The following NXN variants were observed in gnomAD, a reference collection of about 807,000 sequenced individuals.
NXN encodes nucleoredoxin 1.
NXN carries 16 observed loss-of-function variants against 48.6 expected under a neutral mutation model. The observed-to-expected ratio is 0.33, with a 90% CI of 0.22 to 0.50. The LOEUF (loss-of-function observed/expected upper bound fraction) is 0.50, where lower values mean the gene tolerates loss of function less well. Among genes scored for constraint, NXN ranks in the 20% least tolerant of loss-of-function variants. The pLI is 0.98. For missense variants in NXN, 492 were observed against 605.5 expected (o/e 0.81, Z 1.97); for synonymous variants, 281 against 269.6 (o/e 1.04, Z -0.41).
intron 1 of NXN, among the ~76,000 whole-genome samples, chr17:876,916 C>T (rs374173508): frequency 9.2e-5 from 14 of 151,860 alleles, no homozygotes; most frequent in African/African-American, 1.4e-4. Flanking sequence ...GGTATGGTGG[C>T]GGTCGCCTGT....
intron 1 of NXN, among the ~76,000 whole-genome samples, chr17:831,584 C>T (rs1238463624): frequency 6.6e-6 from 1 of 152,034 alleles, no homozygotes; most frequent in South Asian, 2.1e-4. Context: ...ATTGCAACCT[C>T]CACCTCCCAG....
At chr17:822,489 CACGCTGCTT>C in intron 3 of NXN, 32 bp from the exon 4 acceptor site, 1 of 1,517,038 alleles carries the variant, frequency 6.6e-7, no homozygotes, top group South Asian at 1.1e-5. Context: ...CCCGCTGCGT[CACGCTGCTT>C]CTCCACCTCC....
intron 1 of NXN, among the ~76,000 whole-genome samples, chr17:916,164 A>G (rs1426526614): frequency 1.3e-5 from 2 of 152,198 alleles, no homozygotes; most frequent in Admixed American, 6.6e-5. Context: ...CTCTAGGCCC[A>G]CTTTGCTAGA....
intron 1 of NXN, among the ~76,000 whole-genome samples, chr17:888,324 T>A (rs2068371500): frequency 6.6e-6 from 1 of 152,168 alleles, no homozygotes; most frequent in Admixed American, 6.6e-5. Flanking sequence ...GCTCAAGCGA[T>A]CCTCCCACCT....
chr17:970,938 T>C (rs374834022), intron 1 of NXN, among the ~76,000 whole-genome samples: 3 of 150,438 alleles, frequency 2.0e-5, no homozygotes, highest in Non-Finnish European at 4.4e-5. Context: ...TCTGCAGATA[T>C]GAGACTCTTT....
At chr17:861,389 C>G (rs2144779459) in intron 1 of NXN, among the ~76,000 whole-genome samples, 1 of 152,346 alleles carries the variant, frequency 6.6e-6, no homozygotes, top group Admixed American at 6.5e-5. Context: ...CCACCTCGGC[C>G]TCCCACAGTG....
intron 1 of NXN, among the ~76,000 whole-genome samples, chr17:961,163 G>A (rs546860973): frequency 6.4e-4 from 97 of 152,062 alleles, no homozygotes; most frequent in Admixed American, 5.0e-3. Flanking sequence ...GGAGGCTGAG[G>A]CAGGCGGATC....
chr17:906,572 G>GTT (rs150140562), intron 1 of NXN, among the ~76,000 whole-genome samples: 8 of 145,876 alleles, frequency 5.5e-5, no homozygotes, highest in African/African-American at 2.0e-4. Context: ...TGGTTTCTGG[G>GTT]TTTTTTTTTT....
At chr17:930,935 C>G (rs62067206) in intron 1 of NXN, among the ~76,000 whole-genome samples, 41,740 of 151,680 alleles carry the variant, frequency 0.28, 6,782 homozygotes, top group East Asian at 0.43. Flanking sequence ...CCACGCCCAG[C>G]TAATTTTGTA....
intron 1 of NXN, among the ~76,000 whole-genome samples, chr17:883,721 G>C (rs554712608): frequency 7.9e-5 from 12 of 152,316 alleles, no homozygotes; most frequent in Admixed American, 6.5e-4. Context: ...AGGACTTCAG[G>C]GGTCATGGTG....
At chr17:866,425 A>T (rs1465008860) in intron 1 of NXN, among the ~76,000 whole-genome samples, 1 of 152,140 alleles carries the variant, frequency 6.6e-6, no homozygotes, top group East Asian at 1.9e-4. Context: ...TCTACAAAAA[A>T]TACAAAAGTT....
intron 5 of NXN, 152 bp from the exon 6 acceptor site, chr17:805,399 A>C: frequency 2.4e-6 from 2 of 845,090 alleles, no homozygotes; most frequent in African/African-American, 1.7e-5. Flanking sequence ...CCAGGTCTAA[A>C]GTCACAAAGC....
At chr17:856,885 C>T (rs2067991856) in intron 1 of NXN, among the ~76,000 whole-genome samples, 1 of 152,164 alleles carries the variant, frequency 6.6e-6, no homozygotes, top group Admixed American at 6.6e-5. Context: ...TCTGAGCCCT[C>T]CCCGGAACTG....
chr17:923,161 C>T (rs1050469942), intron 1 of NXN, among the ~76,000 whole-genome samples: 1 of 151,582 alleles, frequency 6.6e-6, no homozygotes, highest in African/African-American at 2.4e-5. Context: ...CTGGACGGCG[C>T]GGTGGCTCAC....
chr17:976,878 T>G (rs993314454), intron 1 of NXN, among the ~76,000 whole-genome samples: 7 of 151,974 alleles, frequency 4.6e-5, no homozygotes, highest in Middle Eastern at 3.2e-3. Context: ...GCGATTCTCC[T>G]GCCTCAGCCT....
intron 2 of NXN, among the ~76,000 whole-genome samples, chr17:825,000 T>G (rs1913020086): frequency 6.6e-6 from 1 of 151,912 alleles, no homozygotes; most frequent in Non-Finnish European, 1.5e-5. Context: ...GAGGCCGAGG[T>G]GGGCGGATTG....
At chr17:910,557 C>A (rs1189554666) in intron 1 of NXN, 1 of 152,062 alleles carries the variant, frequency 6.6e-6, no homozygotes, top group Non-Finnish European at 1.5e-5. Flanking sequence ...AATTTATCAT[C>A]CGTTCCAAGT....
intron 1 of NXN, among the ~76,000 whole-genome samples, chr17:974,671 C>T (rs1042308803): frequency 6.6e-6 from 1 of 151,540 alleles, no homozygotes; most frequent in South Asian, 2.1e-4. Flanking sequence ...TGAACTCAAG[C>T]AGAAGGACAA....
rs1315460543 is a variant in NXN at position 958,613 on chromosome 17, A to C, written c.360+20706T>G. ...TGGTGAAACCCCATCTGTACTAAAA[A>C]TACAAAAATTAGCCAGGCGTGGTGG... On this transcript the variant is annotated intron_variant, in intron 1 of 7. Transcript: ENST00000336868. This position sits in a 1 kb window ranked among gnomAD's most constrained non-coding sequence, Gnocchi z 6.9. Among the ~76,000 whole-genome samples the C allele has an allele frequency of 6.6e-6, 1 of 152,156 alleles. No individual in the cohort carries two copies. Among genetic ancestry groups the C allele is most frequent in the Non-Finnish European group, 1.5e-5 (1 of 68,030 alleles).
Sources: gnomAD v4.1 joint callset for allele counts (sites outside exome capture counted in the v4.1 genomes callset) on GRCh38, gnomAD v4.1.1 for gene constraint, Gnocchi (gnomAD v3.1) non-coding constraint, MANE v1.5 for transcripts, NCBI Gene and HGNC (gene_info 2026-07-23, HGNC 2026-07-21) for gene names.